DLG2: variants seen among roughly 807,000 people sequenced by gnomAD.
DLG2 encodes the protein discs large MAGUK scaffold protein 2.
A neutral mutation model predicts 132.5 loss-of-function variants in DLG2; 45 were observed. The observed-to-expected ratio is 0.34, with a 90% CI of 0.27 to 0.44. The LOEUF (loss-of-function observed/expected upper bound fraction) is 0.44, where lower values mean the gene tolerates loss of function less well. Ranked by LOEUF, DLG2 falls within the 20% of genes least tolerant of loss-of-function variation. DLG2 has a pLI of 1.00. For missense variants in DLG2, 1,045 were observed against 1,196.9 expected (o/e 0.87, Z 1.87); for synonymous variants, 424 against 419.6 (o/e 1.01, Z -0.13).
chr11:83,825,212 A>C (rs1349920038), intron 17 of DLG2, among the ~76,000 whole-genome samples: 3 of 106,096 alleles, frequency 2.8e-5, no homozygotes, highest in South Asian at 2.9e-4. Flanking sequence ...ATGGAATTTC[A>C]CTCTTGTTGC....
At chr11:85,353,045 C>G (rs2083419263) in intron 3 of DLG2, among the ~76,000 whole-genome samples, 1 of 152,134 alleles carries the variant, frequency 6.6e-6, no homozygotes, top group Non-Finnish European at 1.5e-5. Context: ...TCAGAGTGAA[C>G]AGGCAACCTA....
intron 6 of DLG2, among the ~76,000 whole-genome samples, chr11:84,779,862 A>T (rs1225802679): frequency 6.6e-6 from 1 of 150,686 alleles, no homozygotes; most frequent in Non-Finnish European, 1.5e-5. Context: ...CAATAATAAG[A>T]TAGGATCAAT....
chr11:84,733,410 A>C (rs540538472), intron 6 of DLG2, among the ~76,000 whole-genome samples: 40 of 152,070 alleles, frequency 2.6e-4, no homozygotes, highest in Non-Finnish European at 5.2e-4. Context: ...AGCATTTTTT[A>C]CTGTGTCTGT....
At chr11:83,825,876 G>C (rs1437748966) in intron 17 of DLG2, among the ~76,000 whole-genome samples, 1 of 152,184 alleles carries the variant, frequency 6.6e-6, no homozygotes, top group Non-Finnish European at 1.5e-5. Context: ...GCCATTCATT[G>C]TGTGGATGGG....
chr11:84,479,763 A>G (rs2099131702), intron 7 of DLG2, among the ~76,000 whole-genome samples: 1 of 152,106 alleles, frequency 6.6e-6, no homozygotes, highest in African/African-American at 2.4e-5. Flanking sequence ...AATTATTTGG[A>G]GCTTCAGTAT....
intron 7 of DLG2, among the ~76,000 whole-genome samples, chr11:84,260,785 C>T (rs2097539546): frequency 6.6e-6 from 1 of 152,194 alleles, no homozygotes; most frequent in Non-Finnish European, 1.5e-5. Context: ...CCCAGGTGTT[C>T]TGACTCTAAG....
At chr11:84,817,824 G>T (rs1018852051) in intron 6 of DLG2, among the ~76,000 whole-genome samples, 1 of 151,908 alleles carries the variant, frequency 6.6e-6, no homozygotes, top group Non-Finnish European at 1.5e-5. Flanking sequence ...AGACATTTCT[G>T]AAACCAGAGG....
Position 84,981,950 on chromosome 11 carries a change from T to C in DLG2, c.357+129711A>G, listed in dbSNP as rs1290194463. On this transcript the variant is annotated intron_variant, in intron 6 of 27. Transcript: ENST00000376104. The stretch of plus-strand genomic sequence containing the variant: ...GTTTAGTCCTCATTTTACCTCTCCT[T>C]TCAGCACCATTTTATAACAACTCCT... Among the ~76,000 whole-genome samples the C allele has an allele frequency of 2.9e-4, 44 of 152,286 alleles. 1 individual carries two copies. Among genetic ancestry groups the C allele is most frequent in the Admixed American group, 2.9e-3 (44 of 15,296 alleles).
intron 21 of DLG2, among the ~76,000 whole-genome samples, chr11:83,522,742 G>T (rs1385635772): frequency 6.6e-6 from 1 of 151,426 alleles, no homozygotes; most frequent in Non-Finnish European, 1.5e-5. Flanking sequence ...CTCAGAAAGA[G>T]AAGCTATTTG....
chr11:84,951,172 T>G (rs1379927650), intron 6 of DLG2, among the ~76,000 whole-genome samples: 1 of 152,216 alleles, frequency 6.6e-6, no homozygotes, highest in Non-Finnish European at 1.5e-5. Context: ...CTAGTTACAC[T>G]GCAAGTACCC....
intron 8 of DLG2, among the ~76,000 whole-genome samples, chr11:84,243,017 C>CTCTCTCTCTCTCTCTATATATATA (rs542476924): frequency 7.0e-6 from 1 of 142,146 alleles, no homozygotes; most frequent in Non-Finnish European, 1.5e-5. Flanking sequence ...CTCTCTCTCT[C>CTCTCTCTCTCTCTCTATATATATA]TATATATATA....
At chr11:83,969,069 T>A (rs2090818481) in intron 12 of DLG2, among the ~76,000 whole-genome samples, 1 of 152,192 alleles carries the variant, frequency 6.6e-6, no homozygotes, top group Non-Finnish European at 1.5e-5. Context: ...ATATAACTTA[T>A]CATGAGAAGA....
intron 4 of DLG2, among the ~76,000 whole-genome samples, chr11:85,260,721 G>A (rs531304048): frequency 4.5e-4 from 68 of 152,154 alleles, no homozygotes; most frequent in Non-Finnish European, 7.8e-4. Flanking sequence ...CTGGTCACTC[G>A]CTTTTGAATG....
intron 15 of DLG2, among the ~76,000 whole-genome samples, chr11:83,882,492 A>T (rs1241771859): frequency 2.0e-5 from 3 of 152,230 alleles, no homozygotes; most frequent in Non-Finnish European, 4.4e-5. Context: ...ATAGCCAAAG[A>T]TACTCAAAAT....
intron 3 of DLG2, among the ~76,000 whole-genome samples, chr11:85,370,499 A>T (rs367674846): frequency 6.6e-6 from 1 of 152,250 alleles, no homozygotes; most frequent in African/African-American, 2.4e-5. Context: ...TGAGCACTCA[A>T]ATAAATGCAT....
intron 7 of DLG2, among the ~76,000 whole-genome samples, chr11:84,303,479 T>C (rs2098179544): frequency 6.6e-6 from 1 of 152,212 alleles, no homozygotes; most frequent in Non-Finnish European, 1.5e-5. Context: ...TCATGTAGTC[T>C]ACAACAGAGT....
At chr11:85,504,358 A>T (rs1336356140) in intron 3 of DLG2, among the ~76,000 whole-genome samples, 2 of 152,248 alleles carry the variant, frequency 1.3e-5, no homozygotes, top group African/African-American at 4.8e-5. Context: ...CTAACATTTA[A>T]GTCTTTAATC....
chr11:84,752,991 C>T (rs1298333438), intron 6 of DLG2, among the ~76,000 whole-genome samples: 2 of 151,922 alleles, frequency 1.3e-5, no homozygotes, highest in Non-Finnish European at 2.9e-5. Flanking sequence ...GGGTTGGTTC[C>T]AAGATAAACT....
At chr11:84,735,831 T>G (rs2063758602) in intron 6 of DLG2, among the ~76,000 whole-genome samples, 1 of 152,068 alleles carries the variant, frequency 6.6e-6, no homozygotes, top group African/African-American at 2.4e-5. Flanking sequence ...AGATATATGT[T>G]GCATATAGTT....
Sources: gnomAD v4.1 joint callset for allele counts (sites outside exome capture counted in the v4.1 genomes callset) on GRCh38, gnomAD v4.1.1 for gene constraint, MANE v1.5 for transcripts, NCBI Gene and HGNC (gene_info 2026-07-23, HGNC 2026-07-21) for gene names.